Variants in ARX observed in about 807,000 individuals in gnomAD.
The protein encoded by ARX is aristaless related homeobox.
ARX carries 1 observed loss-of-function variant against 23.1 expected under a neutral mutation model. That is an observed-to-expected ratio of 0.04 (90% CI 0.02 to 0.21). ARX has a LOEUF of 0.21. Among genes scored for constraint, ARX ranks in the 10% least tolerant of loss-of-function variants. ARX has a pLI of 1.00. For synonymous variants in ARX, 301 were observed against 270.1 expected (o/e 1.11, Z -1.12); for missense variants, 380 against 527.5 (o/e 0.72, Z 2.74).
In ARX at chrX:25,013,680, C is replaced by T. The variant is rs2048713533; in HGVS notation, c.315G>A (p.Ala105=). ...CCGCTGCCGCCGCCGCCGCCGCCGC[C>T]GCCGCCGCCGCTGCCGCACCCTGAA... is the stretch of plus-strand genomic sequence containing the variant. ...RLLQGAAAAA[A]AAAAAAAAAA... Residue 105 remains alanine, a synonymous_variant, in exon 2 of 5, where the codon GCG becomes GCA. Transcript: ENST00000379044. The T allele has an allele frequency of 4.8e-6, 4 of 839,716 alleles. No homozygotes were observed. The highest frequency in any genetic ancestry group is 6.2e-5 in the South Asian group (1 of 16,118). The allele number at this position is 839,716 out of a possible 1,213,427, so 69.2% of individuals were successfully genotyped here.
At chrX:25,009,836 G>A (rs973756520) in intron 3 of ARX, among the ~76,000 whole-genome samples, 3 of 111,735 alleles carry the variant, frequency 2.7e-5, no homozygotes, top group African/African-American at 9.8e-5. Flanking sequence ...TATGAAGCCC[G>A]ATTGGAGACT....
chrX:25,015,783 C>G lies in ARX; in HGVS notation c.-46G>C. 8.7e-7 allele frequency: 1 copy of G among 1,148,498 alleles called. No individual in the cohort carries two copies. The highest frequency in any genetic ancestry group is 1.2e-6 in the Non-Finnish European group (1 of 852,379). The allele number at this position is 1,148,498 out of a possible 1,213,427, so 94.6% of individuals were successfully genotyped here. The stretch of plus-strand genomic sequence containing the variant: ...GCGCAGAGAGCGGATCGCCGGCTGC[C>G]TCTCCCGGAGGGTGGGATGGATGGG... On this transcript the variant is annotated 5_prime_UTR_variant, in exon 1 of 5. Transcript: ENST00000379044.
rs797045295 is a variant in ARX, at chrX:25,013,692, T to C, written c.303A>G (p.Ala101=). 5.3e-5 allele frequency: 47 copies of C among 879,891 alleles called. No individual in the cohort carries two copies. The highest frequency in any genetic ancestry group is 5.2e-4 in the Middle Eastern group (1 of 1,914). 72.5% of individuals were successfully genotyped at this position (879,891 alleles called of 1,213,427 possible). Reference sequence around the variant, plus strand: ...CCGCCGCCGCCGCCGCCGCCGCCGCTGCCGCACCCTGAAGGAGGCGGCCCC... The same window carrying C: ...CCGCCGCCGCCGCCGCCGCCGCCGCCGCCGCACCCTGAAGGAGGCGGCCCC... ...PGGGRLLQGA[A]AAAAAAAAAA... is the part of the protein sequence containing the mutation. Residue 101 remains alanine (A), a synonymous_variant, in exon 2 of 5, where the codon GCA becomes GCG. Transcript: ENST00000379044.
chrX:25,004,555 T>C lies in ARX; in HGVS notation c.*115A>G. The C allele has an allele frequency of 7.1e-6, 8 of 1,119,022 alleles. No individual in the cohort carries two copies. In the South Asian group the frequency reaches 1.2e-4, roughly 17 times the overall value. 92.2% of individuals were successfully genotyped at this position (1,119,022 alleles called of 1,213,427 possible). ...CAGACTGCTGTGAAGGCGGCTGCGC[T>C]CTCTCAGTGCCGTCTCGGGAGTGTG... is the stretch of plus-strand genomic sequence containing the variant. On this transcript the variant is annotated 3_prime_UTR_variant, in exon 5 of 5. Transcript: ENST00000379044.
Position 25,004,573 on chromosome X carries a change from G to T in ARX, c.*97C>A. 8.8e-7 allele frequency: 1 copy of T among 1,137,655 alleles called. No homozygotes were observed. Among genetic ancestry groups the T allele is most frequent in the Non-Finnish European group, 1.2e-6 (1 of 855,882 alleles). The allele number at this position is 1,137,655 out of a possible 1,213,427, so 93.8% of individuals were successfully genotyped here. A position where few individuals can be genotyped will look rare whatever the true frequency, so the allele number is the denominator to read the frequency against. On this transcript the variant is annotated 3_prime_UTR_variant, in exon 5 of 5. Transcript: ENST00000379044. ...GCTGCGCTCTCTCAGTGCCGTCTCG[G>T]GAGTGTGCTGGTCCTCTGTTTCCAT...
chrX:25,015,182 T>A (rs575626697), intron 1 of ARX, among the ~76,000 whole-genome samples: 1 of 112,296 alleles, frequency 8.9e-6, no homozygotes, highest in Admixed American at 9.3e-5. Context: ...TTTGGGCTTC[T>A]TGTCTTCATC....
chrX:25,011,665 C>T (rs1009481825), intron 2 of ARX, among the ~76,000 whole-genome samples: 1 of 113,174 alleles, frequency 8.8e-6, no homozygotes, highest in Non-Finnish European at 1.9e-5. Context: ...AGTGCCTTTG[C>T]CTGGCATTAA....
At position 25,010,262 on chromosome X, in the gene ARX, G is replaced by C; in HGVS notation, c.1117C>G (p.Gln373Glu). The C allele has an allele frequency of 8.3e-7, 1 of 1,200,635 alleles. No homozygotes were observed. The highest frequency in any genetic ancestry group is 1.1e-6 in the Non-Finnish European group (1 of 891,957). The change falls in exon 3 of 5, where the codon CAG (glutamine) becomes GAG (glutamate). Residue 373 changes from glutamine to glutamate, a missense_variant and splice_region_variant. Physicochemically the swap from Gln to Glu is conservative, Grantham distance 29 (BLOSUM62 2). Transcript: ENST00000379044. ...MRLDLTEARVQVWFQNRRAKW... is the reference protein window; with the variant it reads ...MRLDLTEARVEVWFQNRRAKW... Reference sequence around the variant, plus strand: ...CTTCCCTCTGTTGTGCAGCTCACCTGGACTCGGGCCTCGGTCAAGTCCAGC... The same window carrying C: ...CTTCCCTCTGTTGTGCAGCTCACCTCGACTCGGGCCTCGGTCAAGTCCAGC...
chrX:25,007,597 C>T (rs552684285), intron 3 of ARX, among the ~76,000 whole-genome samples, 158 bp from the exon 4 acceptor site: 1 of 111,522 alleles, frequency 9.0e-6, no homozygotes, highest in South Asian at 3.8e-4. Flanking sequence ...TTTTCGGACG[C>T]GTCTGGGGCC....
At chrX:25,004,960 C>A in intron 4 of ARX, 50 bp from the exon 5 acceptor site, 2 of 1,065,094 alleles carry the variant, frequency 1.9e-6, no homozygotes, top group Non-Finnish European at 1.2e-6. Flanking sequence ...CTGTGCGCGG[C>A]GCCTCGGGCA....
In ARX at chrX:25,007,121, C is replaced by T. The variant is rs2048681459; in HGVS notation, c.1438G>A (p.Ala480Thr). ...VFRHPAFISP[A>T]FGRLFSTMAP... ...GAGGCTGCGCGTTACCTGCCGAATG[C>T]CGGGCTGATGAAAGCTGGGTGTCGG... The change falls in exon 4 of 5, where the codon GCA becomes ACA. Residue 480 changes from alanine (A) to threonine (T), a missense_variant. By Grantham distance (58) the Ala-to-Thr change is moderately conservative. Transcript: ENST00000379044. 8.4e-7 allele frequency: 1 copy of T among 1,197,082 alleles called. No individual in the cohort carries two copies. The highest frequency in any genetic ancestry group is 1.1e-6 in the Non-Finnish European group (1 of 888,731).
intron 2 of ARX, 22 bp from the exon 3 acceptor site, chrX:25,010,327 A>G (rs1445389773): frequency 8.3e-7 from 1 of 1,206,220 alleles, no homozygotes; most frequent in African/African-American, 1.8e-5. Flanking sequence ...CAACACACAG[A>G]CAGGAGGTCA....
In ARX at chrX:25,013,064, C is replaced by A; in HGVS notation, c.931G>T (p.Val311Leu). The stretch of plus-strand genomic sequence containing the variant: ...GAGTCGCTGCCCGCAGAGAGGCACA[C>A]GCTGTCCTCGCCGTCCTTGCCCTCA... Reference protein sequence around the residue: ...DAEGKDGEDSVCLSAGSDSEE... With the variant: ...DAEGKDGEDSLCLSAGSDSEE... Residue 311 changes from valine (V) to leucine (L), a missense_variant, in exon 2 of 5, where the codon GTG (valine) becomes TTG (leucine). Val to Leu is a conservative substitution (Grantham distance 32). Around this residue, in one of 3 missense-constraint regions of ARX, gnomAD observed 24 missense variants for 87.7 expected, o/e 0.27. Transcript: ENST00000379044. 2 of 1,200,664 alleles carry A rather than the reference C, an allele frequency of 1.7e-6. No homozygotes were observed. The highest frequency in any genetic ancestry group is 2.2e-6 in the Non-Finnish European group (2 of 890,345).
Position 25,011,202 on chromosome X carries a change from G to GC in ARX, c.1074-898dup, listed in dbSNP as rs2048701116. Among the ~76,000 whole-genome samples the GC allele has an allele frequency of 2.7e-5, 3 of 112,457 alleles. No individual in the cohort carries two copies. In the South Asian group the frequency reaches 1.1e-3, roughly 43 times the overall value. On this transcript the variant is annotated intron_variant, in intron 2 of 4. Coordinates refer to ENST00000379044, the MANE Select transcript of ARX (RefSeq NM_139058.3). ...GGACCTGGGGTTGCCCTGCCGGTAG[G>GC]CCCCCAGTCCACACCTGAAACTTCA...
chrX:25,004,995 G>A, intron 4 of ARX, 85 bp from the exon 5 acceptor site: 3 of 1,042,529 alleles, frequency 2.9e-6, no homozygotes, highest in Non-Finnish European at 3.7e-6. Context: ...TTGTCGCCGG[G>A]GCAGCTGAGG....
chrX:25,013,441 G>C lies in ARX; in HGVS notation c.554C>G (p.Pro185Arg). The change falls in exon 2 of 5, where the codon CCG becomes CGG. Residue 185 changes from proline to arginine, a missense_variant. Coordinates refer to ENST00000379044, the MANE Select transcript of ARX (RefSeq NM_139058.3). ...YRENGAPFVPPPPALDELGGP... is the reference protein window; with the variant it reads ...YRENGAPFVPRPPALDELGGP... ...GCCCAGCTCGTCCAGCGCGGGCGGCGGCGGCACGAAGGGCGCCCCGTTCTC... is the reference window on the plus strand; with the variant it reads ...GCCCAGCTCGTCCAGCGCGGGCGGCCGCGGCACGAAGGGCGCCCCGTTCTC... 1 of 938,298 alleles carries C rather than the reference G, an allele frequency of 1.1e-6. No homozygotes were observed. The highest frequency in any genetic ancestry group is 4.3e-5 in the South Asian group (1 of 23,348). 77.3% of individuals were successfully genotyped at this position (938,298 alleles called of 1,213,427 possible). A position where few individuals can be genotyped will look rare whatever the true frequency, so the allele number is the denominator to read the frequency against.
rs773234584 is a variant in ARX at position 25,015,558 on chromosome X, C to T, written c.180G>A (p.Pro60=). Residue 60 remains proline, a synonymous_variant, in exon 1 of 5, where the codon CCG becomes CCA. Transcript: ENST00000379044. ...LPAPLTSRAD[P]EKAVQGSPKS... ...CATCCTTACCTTGCACGGCCTTTTC[C>T]GGGTCGGCGCGGCTGGTCAGCGGAG... 8.3e-7 allele frequency: 1 copy of T among 1,210,496 alleles called. No individual in the cohort carries two copies. The highest frequency in any genetic ancestry group is 1.1e-6 in the Non-Finnish European group (1 of 894,868).
At chrX:25,007,734 T>G (rs990641020) in intron 3 of ARX, among the ~76,000 whole-genome samples, 25 of 111,532 alleles carry the variant, frequency 2.2e-4, no homozygotes, top group African/African-American at 8.2e-4. Context: ...GTGTTTAGAG[T>G]TGGGGAAACC....
Position 25,013,047 on chromosome X carries a change from G to T in ARX, c.948C>A (p.Gly316=). The stretch of plus-strand genomic sequence containing the variant: ...TCAGCAGCCCCTCCTCCGAGTCGCT[G>T]CCCGCAGAGAGGCACACGCTGTCCT... ...DGEDSVCLSA[G]SDSEEGLLKR... is the part of the protein sequence containing the mutation. The change falls in exon 2 of 5, where the codon GGC becomes GGA. Residue 316 remains glycine (G), a synonymous_variant. Transcript: ENST00000379044. 8.3e-7 allele frequency: 1 copy of T among 1,200,105 alleles called. No homozygotes were observed. Among genetic ancestry groups the T allele is most frequent in the Admixed American group, 2.2e-5 (1 of 44,894 alleles).
Sources: allele counts gnomAD v4.1 joint callset (sites outside exome capture counted in the v4.1 genomes callset), GRCh38; gene constraint gnomAD v4.1.1; regional missense constraint gnomAD v4.1.1; transcripts MANE v1.5; gene names NCBI Gene and HGNC (gene_info 2026-07-23, HGNC 2026-07-21).